LAMA1: variants seen among roughly 807,000 people sequenced by gnomAD.
The protein encoded by LAMA1 is laminin subunit alpha 1, also known as laminin subunit alpha-1.
LAMA1 carries 219 observed loss-of-function variants against 348.7 expected under a neutral mutation model. The ratio of observed to expected loss-of-function variants is 0.63; its 90% CI spans 0.56 to 0.70. The LOEUF is 0.70. LAMA1 is among the 30% of genes least tolerant of loss of function. The probability of loss-of-function intolerance (pLI) is 0.00; values close to 1 mark genes in which losing one functional copy is unlikely to be tolerated. For missense variants in LAMA1, 3,744 were observed against 3,888.0 expected (o/e 0.96, Z 0.99); for synonymous variants, 1,487 against 1,491.0 (o/e 1.00, Z 0.06).
intron 44 of LAMA1, among the ~76,000 whole-genome samples, chr18:6,977,362 T>C (rs1183487609): frequency 1.3e-5 from 2 of 152,214 alleles, no homozygotes; most frequent in Non-Finnish European, 2.9e-5. Context: ...AACGAAGAAC[T>C]AACACCACAT....
chr18:7,010,991 A>T (rs1450144288), intron 25 of LAMA1, among the ~76,000 whole-genome samples: 1 of 152,210 alleles, frequency 6.6e-6, no homozygotes, highest in Non-Finnish European at 1.5e-5. Flanking sequence ...ACCTAATGAC[A>T]CATTCCCCTA....
At chr18:6,990,824 A>T (rs1351164163) in intron 36 of LAMA1, among the ~76,000 whole-genome samples, 3 of 151,950 alleles carry the variant, frequency 2.0e-5, no homozygotes, top group African/African-American at 7.3e-5. Flanking sequence ...GTGGGAAAAT[A>T]ATAGGGTTTA....
chr18:7,078,462 G>C (rs2058180160), intron 3 of LAMA1, among the ~76,000 whole-genome samples: 1 of 151,756 alleles, frequency 6.6e-6, no homozygotes, highest in South Asian at 2.1e-4. Flanking sequence ...CACCGCACCT[G>C]GCTCTTTTCT....
chr18:7,116,302 C>A (rs1227584018), intron 1 of LAMA1, among the ~76,000 whole-genome samples: 2 of 152,218 alleles, frequency 1.3e-5, no homozygotes, highest in Non-Finnish European at 2.9e-5. Flanking sequence ...GACTTGTTCA[C>A]CTTCAGCAGC....
intron 1 of LAMA1, among the ~76,000 whole-genome samples, chr18:7,115,822 A>AAAAAAAAAC (rs1568075555): frequency 6.7e-6 from 1 of 149,342 alleles, no homozygotes. Context: ...TACAAAAAAA[A>AAAAAAAAAC]AAAAAAAAAA....
intron 23 of LAMA1, among the ~76,000 whole-genome samples, chr18:7,012,662 T>A (rs958249722): frequency 6.7e-6 from 1 of 150,080 alleles, no homozygotes. Flanking sequence ...CCTGCCACCA[T>A]GCCCAGCTAA....
chr18:7,101,272 A>C (rs1384247199), intron 1 of LAMA1, among the ~76,000 whole-genome samples: 1 of 152,220 alleles, frequency 6.6e-6, no homozygotes, highest in African/African-American at 2.4e-5. Context: ...AAAACTGTTA[A>C]AACAGAGATT....
chr18:7,072,657 A>T (rs1485860919), intron 3 of LAMA1, among the ~76,000 whole-genome samples: 1 of 152,182 alleles, frequency 6.6e-6, no homozygotes, highest in Non-Finnish European at 1.5e-5. Flanking sequence ...CATATTTAGG[A>T]TGTGGCTGAC....
chr18:6,985,667 G>C, intron 37 of LAMA1, 24 bp from the exon 38 acceptor site: 1 of 1,555,514 alleles, frequency 6.4e-7, no homozygotes, highest in East Asian at 2.2e-5. Flanking sequence ...GGCATTTTAA[G>C]GGTGCTTCAT....
chr18:6,994,698 CAT>C (rs1047037937), intron 34 of LAMA1, among the ~76,000 whole-genome samples: 57 of 122,096 alleles, frequency 4.7e-4, no homozygotes, highest in African/African-American at 9.4e-4. Flanking sequence ...CACACACACA[CAT>C]ACAAAATTCA....
intron 30 of LAMA1, 116 bp downstream of exon 30, chr18:7,002,148 G>T: frequency 1.5e-6 from 2 of 1,360,004 alleles, no homozygotes; most frequent in Non-Finnish European, 2.0e-6. Flanking sequence ...TTAGCCTTTT[G>T]CAACCAATGG....
intron 62 of LAMA1, among the ~76,000 whole-genome samples, chr18:6,942,730 TA>T (rs2057504698): frequency 6.6e-6 from 1 of 152,156 alleles, no homozygotes; most frequent in African/African-American, 2.4e-5. Context: ...TTTTAATATA[TA>T]AAATTTTAAG....
At chr18:6,961,493 G>A (rs1312721075) in intron 53 of LAMA1, 93 bp downstream of exon 53, 1 of 1,443,552 alleles carries the variant, frequency 6.9e-7, no homozygotes, top group Non-Finnish European at 9.6e-7. Flanking sequence ...GGAACACGGT[G>A]ACAATAAATG....
At chr18:7,046,727 CAA>C (rs1193834937) in intron 5 of LAMA1, among the ~76,000 whole-genome samples, 2 of 152,146 alleles carry the variant, frequency 1.3e-5, no homozygotes, top group African/African-American at 4.8e-5. Context: ...CCCTAGAATG[CAA>C]AGTTAATCTA....
intron 3 of LAMA1, among the ~76,000 whole-genome samples, chr18:7,066,071 C>T (rs538780535): frequency 9.2e-5 from 14 of 152,264 alleles, no homozygotes; most frequent in Admixed American, 7.8e-4. Flanking sequence ...GTCAGAATTC[C>T]ACAATCACCC....
chr18:7,019,329 C>T (rs11875623), intron 19 of LAMA1, among the ~76,000 whole-genome samples: 15,524 of 152,006 alleles, frequency 0.1, 1,231 homozygotes, highest in African/African-American at 0.23. Flanking sequence ...GTATTTGGGA[C>T]GCCCACTCTC....
At chr18:6,982,662 A>G in intron 40 of LAMA1, 72 bp from the exon 41 acceptor site, 1 of 1,251,816 alleles carries the variant, frequency 8.0e-7, no homozygotes, top group Non-Finnish European at 1.2e-6. Flanking sequence ...AGAGGAAGTG[A>G]CTCCATCAGA....
intron 51 of LAMA1, among the ~76,000 whole-genome samples, chr18:6,962,970 G>T (rs942609128): frequency 4.6e-5 from 7 of 152,104 alleles, no homozygotes; most frequent in African/African-American, 1.7e-4. Context: ...AAAATATGGA[G>T]ACCACTGAAC....
At chr18:6,998,331 G>A (rs184716512) in intron 32 of LAMA1, among the ~76,000 whole-genome samples, 38 of 152,310 alleles carry the variant, frequency 2.5e-4, no homozygotes, top group Non-Finnish European at 3.4e-4. Flanking sequence ...AGCCAGGGAA[G>A]CAAAGGCAAG....
Sources: allele counts gnomAD v4.1 joint callset (sites outside exome capture counted in the v4.1 genomes callset), GRCh38; gene constraint gnomAD v4.1.1; transcripts MANE v1.5; gene names NCBI Gene and HGNC (gene_info 2026-07-23, HGNC 2026-07-21).